The following HERC6 variants were observed in gnomAD, a reference collection of about 807,000 sequenced individuals.
HERC6 encodes the protein probable E3 ubiquitin-protein ligase HERC6.
In HERC6, 101 loss-of-function variants were observed where a neutral mutation model predicts 114.5. The ratio of observed to expected loss-of-function variants is 0.88; its 90% CI spans 0.75 to 1.04. The LOEUF is 1.04. Ranked by LOEUF, HERC6 falls within the 50% of genes least tolerant of loss-of-function variation. The pLI is 0.00. For synonymous variants in HERC6, 408 were observed against 436.2 expected (o/e 0.94, Z 0.81); for missense variants, 1,133 against 1,230.9 (o/e 0.92, Z 1.19).
intron 15 of HERC6, among the ~76,000 whole-genome samples, chr4:88,427,511 G>C (rs528157566): frequency 6.6e-6 from 1 of 151,944 alleles, no homozygotes; most frequent in Admixed American, 6.6e-5. Context: ...GATGGAACTT[G>C]TTCCTTTTCC....
At chr4:88,379,776 T>TATAA (rs1734089038) in intron 1 of HERC6, among the ~76,000 whole-genome samples, 1 of 70,710 alleles carries the variant, frequency 1.4e-5, no homozygotes, top group East Asian at 4.1e-4. Context: ...AATATATAAA[T>TATAA]ATATATATAA....
chr4:88,441,244 A>C (rs1057369957), intron 22 of HERC6, among the ~76,000 whole-genome samples: 1 of 152,224 alleles, frequency 6.6e-6, no homozygotes, highest in African/African-American at 2.4e-5. Context: ...AGAAATAATA[A>C]TGGCAACAAC....
At chr4:88,379,153 G>T in intron 1 of HERC6, 33 bp downstream of exon 1, 1 of 1,504,664 alleles carries the variant, frequency 6.6e-7, no homozygotes, top group South Asian at 1.2e-5. Flanking sequence ...AGGGTGTGAG[G>T]ACCCCAGTAC....
intron 3 of HERC6, among the ~76,000 whole-genome samples, chr4:88,386,926 G>T (rs1477206323): frequency 6.6e-6 from 1 of 152,112 alleles, no homozygotes; most frequent in Admixed American, 6.5e-5. Flanking sequence ...TTTTGGTGTG[G>T]CATATCCTGA....
chr4:88,384,647 A>G (rs1004848439), intron 2 of HERC6, among the ~76,000 whole-genome samples: 6 of 152,184 alleles, frequency 3.9e-5, no homozygotes, highest in Non-Finnish European at 8.8e-5. Flanking sequence ...CTTGGAATGA[A>G]AAGACCAGAA....
chr4:88,438,894 C>T (rs1739035852), intron 20 of HERC6, among the ~76,000 whole-genome samples: 2 of 152,146 alleles, frequency 1.3e-5, no homozygotes, highest in Non-Finnish European at 2.9e-5. Flanking sequence ...ATAGGCTAGT[C>T]CACAAAGGCT....
intron 2 of HERC6, among the ~76,000 whole-genome samples, chr4:88,383,724 A>G (rs6532067): frequency 0.06 from 7,849 of 130,626 alleles, 421 homozygotes; most frequent in East Asian, 0.26. Context: ...GGACAGCGCC[A>G]CTGCACTCCA....
chr4:88,407,201 C>T (rs553990315), intron 10 of HERC6, among the ~76,000 whole-genome samples: 2 of 152,254 alleles, frequency 1.3e-5, no homozygotes, highest in South Asian at 2.1e-4. Flanking sequence ...CCTCAGCCTC[C>T]TGAGTAGCTG....
intron 17 of HERC6, among the ~76,000 whole-genome samples, chr4:88,434,138 A>G (rs781137587): frequency 1.3e-5 from 2 of 152,236 alleles, no homozygotes; most frequent in Non-Finnish European, 2.9e-5. Context: ...TAAGTTATAG[A>G]TTGCTGACTT....
At chr4:88,436,052 C>T (rs1008151082) in intron 18 of HERC6, among the ~76,000 whole-genome samples, 161 bp downstream of exon 18, 2 of 151,988 alleles carry the variant, frequency 1.3e-5, no homozygotes, top group African/African-American at 4.8e-5. Context: ...TTGAGTAAAC[C>T]TTCAAAATGG....
At chr4:88,408,709 T>C in intron 11 of HERC6, 92 bp downstream of exon 11, 1 of 854,624 alleles carries the variant, frequency 1.2e-6, no homozygotes, top group South Asian at 1.5e-5. Flanking sequence ...ATGATTGTAA[T>C]TGCCCGATGA....
intron 12 of HERC6, among the ~76,000 whole-genome samples, chr4:88,415,349 C>G (rs1736382571): frequency 6.6e-6 from 1 of 152,090 alleles, no homozygotes; most frequent in African/African-American, 2.4e-5. Flanking sequence ...TTCACACATG[C>G]AGGAAACATT....
At chr4:88,418,622 G>A (rs766762515) in intron 13 of HERC6, among the ~76,000 whole-genome samples, 1 of 152,224 alleles carries the variant, frequency 6.6e-6, no homozygotes, top group Non-Finnish European at 1.5e-5. Flanking sequence ...GCTGGGCACC[G>A]TGGCCTTGGC....
rs77039698 is a variant in HERC6 at position 88,438,413 on chromosome 4, T to C, written c.2555+632T>C. On this transcript the variant is annotated intron_variant, in intron 20 of 22. Transcript: ENST00000264346. ...AGAAAGACAATACACAAATGAATCATTATTATTTTTAATAGAGATGGAGTC... is the reference window on the plus strand; with the variant it reads ...AGAAAGACAATACACAAATGAATCACTATTATTTTTAATAGAGATGGAGTC... Among the ~76,000 whole-genome samples the C allele has an allele frequency of 2.4e-3, 363 of 152,234 alleles. 3 individuals carry two copies. Among genetic ancestry groups the C allele is most frequent in the African/African-American group, 8.5e-3 (354 of 41,506 alleles).
At chr4:88,418,867 C>T (rs1386039089) in intron 13 of HERC6, among the ~76,000 whole-genome samples, 2 of 152,084 alleles carry the variant, frequency 1.3e-5, no homozygotes, top group African/African-American at 2.4e-5. Context: ...GCTGGGATTA[C>T]AGGCACCTGC....
At chr4:88,434,840 CA>C (rs1374146837) in intron 17 of HERC6, among the ~76,000 whole-genome samples, 2 of 151,524 alleles carry the variant, frequency 1.3e-5, no homozygotes, top group Non-Finnish European at 1.5e-5. Flanking sequence ...CAGCTATAAC[CA>C]AGGGACATAT....
At chr4:88,421,550 C>T (rs1394115528) in intron 13 of HERC6, among the ~76,000 whole-genome samples, 2 of 151,390 alleles carry the variant, frequency 1.3e-5, no homozygotes, top group Admixed American at 6.6e-5. Flanking sequence ...CAGGTTCAAG[C>T]GATTCTCCTG....
intron 10 of HERC6, among the ~76,000 whole-genome samples, chr4:88,408,191 G>C (rs930218574): frequency 2.6e-5 from 4 of 152,132 alleles, no homozygotes; most frequent in Non-Finnish European, 5.9e-5. Context: ...TAAGGAGGGT[G>C]GGGGGTAGGT....
chr4:88,397,363 C>T (rs539001060), intron 7 of HERC6, among the ~76,000 whole-genome samples: 4 of 152,002 alleles, frequency 2.6e-5, no homozygotes, highest in South Asian at 2.1e-4. Context: ...CCACCAGCCT[C>T]GGCCTCCTAA....
Sources: allele counts gnomAD v4.1 joint callset (sites outside exome capture counted in the v4.1 genomes callset), GRCh38; gene constraint gnomAD v4.1.1; transcripts MANE v1.5; gene names NCBI Gene and HGNC (gene_info 2026-07-23, HGNC 2026-07-21).